ATP10B: variants seen among roughly 807,000 people sequenced by gnomAD.
The protein encoded by ATP10B is phospholipid-transporting ATPase VB.
A neutral mutation model predicts 141.2 loss-of-function variants in ATP10B; 122 were observed. That is an observed-to-expected ratio of 0.86 (90% confidence interval 0.75 to 1.00). The LOEUF (loss-of-function observed/expected upper bound fraction) is 1.00, where lower values mean the gene tolerates loss of function less well. Among genes scored for constraint, ATP10B ranks in the 50% least tolerant of loss-of-function variants. The pLI, the probability that ATP10B is intolerant of heterozygous loss-of-function variation, is 0.00. For synonymous variants in ATP10B, 685 were observed against 692.0 expected (o/e 0.99, Z 0.16); for missense variants, 1,876 against 1,825.3 (o/e 1.03, Z -0.51).
chr5:160,594,347 T>C (rs991141105), intron 22 of ATP10B, among the ~76,000 whole-genome samples: 1 of 152,190 alleles, frequency 6.6e-6, no homozygotes, highest in Non-Finnish European at 1.5e-5. Context: ...CTGAGAGATT[T>C]TGTCACCACC....
chr5:160,903,159 A>G, the ATP10B span, among the ~76,000 whole-genome samples: 2 of 152,242 alleles, frequency 1.3e-5, no homozygotes, highest in African/African-American at 4.8e-5. Flanking sequence ...GCTTATAGAC[A>G]GAGAAGCTGA....
intron 2 of ATP10B, among the ~76,000 whole-genome samples, chr5:160,767,635 ACC>A (rs531198402): frequency 1.2e-5 from 1 of 86,658 alleles, no homozygotes; most frequent in African/African-American, 3.7e-5. Context: ...TGTGTGCAGA[ACC>A]CCCCCCCCCA....
At chr5:160,879,666 G>C in the ATP10B span, among the ~76,000 whole-genome samples, 7 of 152,110 alleles carry the variant, frequency 4.6e-5, no homozygotes, top group East Asian at 1.4e-3. Flanking sequence ...GTGAAATCCT[G>C]TCTTTACCAA....
At chr5:160,592,583 A>C (rs1255320514) in intron 22 of ATP10B, among the ~76,000 whole-genome samples, 3 of 152,222 alleles carry the variant, frequency 2.0e-5, no homozygotes, top group African/African-American at 7.2e-5. Flanking sequence ...GGTGCAGTGC[A>C]CCATGCACGA....
chr5:160,787,752 C>A (rs1381470633), intron 1 of ATP10B, among the ~76,000 whole-genome samples: 2 of 151,996 alleles, frequency 1.3e-5, no homozygotes, highest in African/African-American at 2.4e-5. Flanking sequence ...ACTCTGTGAT[C>A]TTTTATACTT....
At chr5:160,774,538 T>G (rs1056946680) in intron 2 of ATP10B, among the ~76,000 whole-genome samples, 6 of 152,204 alleles carry the variant, frequency 3.9e-5, no homozygotes, top group African/African-American at 1.4e-4. Context: ...TTATGTGCTT[T>G]GCCAGATTTG....
intron 6 of ATP10B, among the ~76,000 whole-genome samples, chr5:160,675,804 G>A (rs1327274420): frequency 2.0e-5 from 3 of 148,598 alleles, no homozygotes; most frequent in Non-Finnish European, 4.5e-5. Flanking sequence ...GGTTGGGGAG[G>A]TGGATTAGAC....
chr5:160,635,907 T>C (rs1254397412), intron 11 of ATP10B, among the ~76,000 whole-genome samples: 1 of 152,218 alleles, frequency 6.6e-6, no homozygotes, highest in Non-Finnish European at 1.5e-5. Context: ...CAGGCACATA[T>C]GGGTCACTGC....
In ATP10B at chr5:160,595,595, A is replaced by G. The variant is rs1323713054; in HGVS notation, c.3564+3175T>C. 5.9e-5 allele frequency among the ~76,000 whole-genome samples: 9 copies of G among 152,358 alleles called. No homozygotes were observed. In the South Asian group the frequency reaches 1.9e-3, roughly 32 times the overall value. ...AAAAAACCCTTCAAAAAATCAATGAATCCAGGAGCTGGTTTTTTGAAAAGA... is the reference window on the plus strand; with the variant it reads ...AAAAAACCCTTCAAAAAATCAATGAGTCCAGGAGCTGGTTTTTTGAAAAGA... On this transcript the variant is annotated intron_variant, in intron 22 of 25. Transcript: ENST00000327245.
chr5:160,803,280 A>G (rs890831803), intron 1 of ATP10B, among the ~76,000 whole-genome samples: 9 of 152,220 alleles, frequency 5.9e-5, no homozygotes, highest in African/African-American at 1.7e-4. Flanking sequence ...TAACATTGCC[A>G]TGAAGATTAT....
intron 7 of ATP10B, among the ~76,000 whole-genome samples, chr5:160,656,568 G>A (rs1761513154): frequency 1.3e-5 from 2 of 152,002 alleles, no homozygotes; most frequent in Admixed American, 6.6e-5. Context: ...GATTTCCAAA[G>A]GAATTATTGA....
At chr5:160,768,969 T>C (rs1337900297) in intron 2 of ATP10B, among the ~76,000 whole-genome samples, 2 of 152,162 alleles carry the variant, frequency 1.3e-5, no homozygotes, top group Non-Finnish European at 2.9e-5. Context: ...CATTTTTCAG[T>C]ACTGAGCAAG....
At chr5:160,923,117 G>T in the ATP10B span, among the ~76,000 whole-genome samples, 1 of 152,236 alleles carries the variant, frequency 6.6e-6, no homozygotes, top group African/African-American at 2.4e-5. Flanking sequence ...CAGGGCATGA[G>T]ACAGAAGCTG....
the ATP10B span, among the ~76,000 whole-genome samples, chr5:160,927,161 T>C: frequency 6.6e-6 from 1 of 152,152 alleles, no homozygotes; most frequent in Non-Finnish European, 1.5e-5. Context: ...TGATTCCAAA[T>C]GTAGGCCTCT....
At chr5:160,780,367 C>CTT (rs58884259) in intron 2 of ATP10B, among the ~76,000 whole-genome samples, 67,575 of 151,770 alleles carry the variant, frequency 0.45, 15,250 homozygotes, top group East Asian at 0.59. Flanking sequence ...ATAATTTATT[C>CTT]TTTTATACAA....
At chr5:160,860,371 T>A in the ATP10B span, among the ~76,000 whole-genome samples, 29 of 152,072 alleles carry the variant, frequency 1.9e-4, no homozygotes, top group African/African-American at 5.8e-4. Context: ...GTTATGATAA[T>A]TACAGGACTG....
intron 24 of ATP10B, among the ~76,000 whole-genome samples, chr5:160,572,306 AT>A (rs1754928823): frequency 6.6e-6 from 1 of 152,100 alleles, no homozygotes; most frequent in East Asian, 1.9e-4. Context: ...AACTTTTTCA[AT>A]TGCTTTAATG....
At chr5:160,917,310 A>G in the ATP10B span, among the ~76,000 whole-genome samples, 1 of 140,174 alleles carries the variant, frequency 7.1e-6, no homozygotes, top group South Asian at 2.2e-4. Flanking sequence ...CATTACTGTA[A>G]CCAGGCCACC....
At chr5:160,778,947 G>A (rs1256908764) in intron 2 of ATP10B, among the ~76,000 whole-genome samples, 1 of 152,144 alleles carries the variant, frequency 6.6e-6, no homozygotes, top group Non-Finnish European at 1.5e-5. Flanking sequence ...GCAAAAATGG[G>A]ATAATAGTAG....
Sources: allele counts gnomAD v4.1 joint callset (sites outside exome capture counted in the v4.1 genomes callset), GRCh38; gene constraint gnomAD v4.1.1; transcripts MANE v1.5; gene names NCBI Gene and HGNC (gene_info 2026-07-23, HGNC 2026-07-21).